Variants in DCHS2 observed in about 807,000 individuals in gnomAD.
The protein encoded by DCHS2 is dachsous cadherin-related 2.
A neutral mutation model predicts 182.4 loss-of-function variants in DCHS2; 142 were observed. The observed-to-expected ratio is 0.78, with a 90% CI of 0.68 to 0.89. The LOEUF (loss-of-function observed/expected upper bound fraction) is 0.89, where lower values mean the gene tolerates loss of function less well. DCHS2 is among the 40% of genes least tolerant of loss of function. DCHS2 has a pLI of 0.00. For synonymous variants in DCHS2, 1,740 were observed against 1,663.3 expected, an observed-to-expected ratio of 1.05 and a Z score of -1.12; for missense variants, 4,319 against 4,198.6, an observed-to-expected ratio of 1.03 and a Z score of -0.79.
chr4:154,422,480 C>T (rs549165627), intron 1 of DCHS2, among the ~76,000 whole-genome samples: 63 of 152,288 alleles, frequency 4.1e-4, no homozygotes, highest in Non-Finnish European at 8.7e-4. Context: ...GAAACATCCA[C>T]TATTCTCCTT....
rs747233189 is a variant in DCHS2 at position 154,236,594 on chromosome 4, C to T, written c.8058G>A (p.Val2686=). ...CTGTGTCACGGTCATTTGCTGAGAC[C>T]ACAGTGATGTGACTCCCTAGAGGGG... The part of the protein sequence containing the change: ...ESTPLGSHIT[V]VSANDRDTGS... The change falls in exon 20 of 20, where the codon GTG becomes GTA. Residue 2686 remains valine, a synonymous_variant. Coordinates refer to ENST00000357232, the MANE Select transcript of DCHS2 (RefSeq NM_001358235.2). The T allele has an allele frequency of 8.7e-6, 14 of 1,613,832 alleles. No homozygotes were observed. Among genetic ancestry groups the T allele is most frequent in the Non-Finnish European group, 1.2e-5 (14 of 1,179,960 alleles).
At position 154,255,326 on chromosome 4, in the gene DCHS2, C is replaced by T. The variant is rs540250375; in HGVS notation, c.6941+193G>A. ...GTTTTGCTATTTTAATCACTTTTTT[C>T]CAAATACAAATAATGGCTGAGACTA... On this transcript the variant is annotated intron_variant, in intron 16 of 19. Coordinates refer to ENST00000357232, the MANE Select transcript of DCHS2 (RefSeq NM_001358235.2). Among the ~76,000 whole-genome samples, 4 of 152,172 alleles carry T rather than the reference C, an allele frequency of 2.6e-5. No individual in the cohort carries two copies. The South Asian group carries it at 8.3e-4, about 32-fold the overall frequency.
chr4:154,445,479 A>G lies in DCHS2; in HGVS notation c.2052+43825T>C, dbSNP rs548262221. 4.5e-3 allele frequency among the ~76,000 whole-genome samples: 681 copies of G among 152,226 alleles called. 4 individuals carry two copies. Among genetic ancestry groups the G allele is most frequent in the Non-Finnish European group, 6.4e-3 (438 of 68,006 alleles). On this transcript the variant is annotated intron_variant, in intron 1 of 19. Coordinates refer to ENST00000357232, the MANE Select transcript of DCHS2 (RefSeq NM_001358235.2). ...CAAGCACCTCCTAGAAAAGCCTCAAATAGTTGGTTGTTCTAAGTGCACCTC... is the reference window on the plus strand; with the variant it reads ...CAAGCACCTCCTAGAAAAGCCTCAAGTAGTTGGTTGTTCTAAGTGCACCTC...
Position 154,331,462 on chromosome 4 carries a change from G to A in DCHS2, c.3730+1016C>T, listed in dbSNP as rs550828768. On this transcript the variant is annotated intron_variant, in intron 5 of 19. Coordinates refer to ENST00000357232, the MANE Select transcript of DCHS2 (RefSeq NM_001358235.2). ...CAGGGTCATCCCATATAGCTGTATG[G>A]TTTGTGCCCTTGCAGCAGGAGTCTC... The A allele has an allele frequency of 2.6e-5, 30 of 1,133,456 alleles. No homozygotes were observed. The South Asian group carries it at 4.7e-4, about 18-fold the overall frequency. 70.2% of individuals were successfully genotyped at this position (1,133,456 alleles called of 1,614,324 possible).
intron 2 of DCHS2, among the ~76,000 whole-genome samples, chr4:154,375,538 G>A (rs1457984156): frequency 6.6e-6 from 1 of 151,812 alleles, no homozygotes; most frequent in Non-Finnish European, 1.5e-5. Flanking sequence ...GTGAAGAATA[G>A]ACACTTCACA....
At position 154,489,444 on chromosome 4, in the gene DCHS2, G is replaced by T; in HGVS notation, c.1912C>A (p.Leu638Ile). 6.4e-7 allele frequency: 1 copy of T among 1,551,774 alleles called. No individual in the cohort carries two copies. Among genetic ancestry groups the T allele is most frequent in the Non-Finnish European group, 8.7e-7 (1 of 1,147,010 alleles). ...AVELKVVAQD[L>I]GEPPLSATCL... is the part of the protein sequence containing the mutation. ...GTGGCAGAGAGTGGGGGCTCTCCGAGGTCCTGGGCCACCACTTTCAGCTCC... is the reference window on the plus strand; with the variant it reads ...GTGGCAGAGAGTGGGGGCTCTCCGATGTCCTGGGCCACCACTTTCAGCTCC... Residue 638 changes from leucine to isoleucine, a missense_variant, in exon 1 of 20, where the codon CTC (leucine) becomes ATC (isoleucine). Coordinates refer to ENST00000357232, the MANE Select transcript of DCHS2 (RefSeq NM_001358235.2).
At chr4:154,310,128 G>GT (rs1188962781) in intron 10 of DCHS2, among the ~76,000 whole-genome samples, 7 of 152,168 alleles carry the variant, frequency 4.6e-5, no homozygotes, top group Non-Finnish European at 1.0e-4. Context: ...CATAACTCAG[G>GT]TAGCCAAGTG....
At chr4:154,322,648 C>T (rs750151802) in intron 7 of DCHS2, 160 bp from the exon 8 acceptor site, 2 of 1,052,830 alleles carry the variant, frequency 1.9e-6, no homozygotes, top group African/African-American at 3.2e-5. Flanking sequence ...AGAAACATCA[C>T]TTTTTAAAAA....
intron 1 of DCHS2, among the ~76,000 whole-genome samples, chr4:154,434,948 C>A (rs1344392429): frequency 6.6e-6 from 1 of 152,058 alleles, no homozygotes; most frequent in Non-Finnish European, 1.5e-5. Flanking sequence ...CAGAGGAACC[C>A]AGGGAGACAT....
chr4:154,417,204 T>TGGGAGAGAGAGAGAGA (rs1560745908), intron 1 of DCHS2, among the ~76,000 whole-genome samples: 1 of 39,476 alleles, frequency 2.5e-5, no homozygotes. Context: ...TGTGTGTGTG[T>TGGGAGAGAGAGAGAGA]GAGAGAGAGA....
intron 1 of DCHS2, among the ~76,000 whole-genome samples, chr4:154,401,129 C>T (rs1258660827): frequency 6.6e-6 from 1 of 152,188 alleles, no homozygotes; most frequent in African/African-American, 2.4e-5. Context: ...TAATTTTGCT[C>T]GTCCTTAACT....
chr4:154,301,243 G>A (rs1735184704), intron 12 of DCHS2, among the ~76,000 whole-genome samples: 2 of 152,220 alleles, frequency 1.3e-5, no homozygotes, highest in African/African-American at 4.8e-5. Context: ...TGCAGTGGGA[G>A]AGTGTCTCTG....
In DCHS2 at chr4:154,443,922, T is replaced by C. The variant is rs79986422; in HGVS notation, c.2052+45382A>G. Among the ~76,000 whole-genome samples, 1,029 of 152,344 alleles carry C rather than the reference T, an allele frequency of 6.8e-3. 5 individuals carry two copies. The highest frequency in any genetic ancestry group is 0.027 in the Middle Eastern group (8 of 294). On this transcript the variant is annotated intron_variant, in intron 1 of 19. Coordinates refer to ENST00000357232, the MANE Select transcript of DCHS2 (RefSeq NM_001358235.2). ...ACTGCTTGTGGCCCATTCTTAGCCC[T>C]CATTTGTATCCAGCTTTCATTTGAC...
chr4:154,265,468 A>G (rs1480135887), intron 14 of DCHS2, among the ~76,000 whole-genome samples: 1 of 152,210 alleles, frequency 6.6e-6, no homozygotes, highest in Admixed American at 6.5e-5. Flanking sequence ...AATGCAGTGG[A>G]AAAATTATAA....
intron 1 of DCHS2, among the ~76,000 whole-genome samples, chr4:154,428,247 C>T (rs1482075276): frequency 3.9e-5 from 6 of 152,056 alleles, no homozygotes; most frequent in Admixed American, 6.6e-5. Flanking sequence ...ATTCTAGGTG[C>T]GAAAAAACAC....
At chr4:154,319,091 G>A (rs568968270) in intron 9 of DCHS2, among the ~76,000 whole-genome samples, 14 of 152,144 alleles carry the variant, frequency 9.2e-5, no homozygotes, top group East Asian at 7.7e-4. Context: ...CTACACTTTC[G>A]AAAAAGGCTA....
chr4:154,261,159 A>G (rs1732967575), intron 14 of DCHS2, among the ~76,000 whole-genome samples: 2 of 152,238 alleles, frequency 1.3e-5, no homozygotes, highest in African/African-American at 4.8e-5. Flanking sequence ...AATTTAATTT[A>G]GGTCAATTAC....
At chr4:154,389,657 A>G (rs1731594062) in intron 1 of DCHS2, among the ~76,000 whole-genome samples, 1 of 151,924 alleles carries the variant, frequency 6.6e-6, no homozygotes, top group South Asian at 2.1e-4. Flanking sequence ...TGGAAAAACT[A>G]AAACAGAAAA....
intron 1 of DCHS2, among the ~76,000 whole-genome samples, chr4:154,486,009 T>A (rs1470999103): frequency 1.3e-5 from 2 of 152,200 alleles, no homozygotes; most frequent in Non-Finnish European, 2.9e-5. Context: ...TGGAATTCCC[T>A]CTCTGTCTTG....
Sources: gnomAD v4.1 joint callset for allele counts (sites outside exome capture counted in the v4.1 genomes callset) on GRCh38, gnomAD v4.1.1 for gene constraint, MANE v1.5 for transcripts, NCBI Gene and HGNC (gene_info 2026-07-23, HGNC 2026-07-21) for gene names.